The following STEAP1B variants were observed in gnomAD, a reference collection of about 807,000 sequenced individuals.
The protein encoded by STEAP1B is STEAP family member 1B.
Under a neutral mutation model 27.9 loss-of-function variants are expected in STEAP1B, and 13 were observed. The ratio of observed to expected loss-of-function variants is 0.47; its 90% CI spans 0.30 to 0.74. The LOEUF is 0.74. STEAP1B is among the 30% of genes least tolerant of loss of function. The probability of loss-of-function intolerance (pLI) is 0.06; values close to 1 mark genes in which losing one functional copy is unlikely to be tolerated. For synonymous variants in STEAP1B, 86 were observed against 107.1 expected (o/e 0.80, Z 1.22); for missense variants, 250 against 298.7 (o/e 0.84, Z 1.20).
At chr7:22,480,117 C>T (rs1041392237) in intron 4 of STEAP1B, among the ~76,000 whole-genome samples, 1 of 152,118 alleles carries the variant, frequency 6.6e-6, no homozygotes, top group Non-Finnish European at 1.5e-5. Flanking sequence ...ATTGAATGGA[C>T]ATCTAGAAAA....
At chr7:22,485,982 T>C (rs922572785) in intron 4 of STEAP1B, among the ~76,000 whole-genome samples, 2 of 152,164 alleles carry the variant, frequency 1.3e-5, no homozygotes, top group African/African-American at 2.4e-5. Context: ...CGTACACAGC[T>C]ATTAGTATAC....
intron 4 of STEAP1B, among the ~76,000 whole-genome samples, chr7:22,459,984 A>G (rs1359473193): frequency 1.3e-5 from 2 of 152,076 alleles, no homozygotes; most frequent in Non-Finnish European, 2.9e-5. Flanking sequence ...TTTAGGTCCA[A>G]TCATTAAATG....
chr7:22,438,528 A>C, intron 4 of STEAP1B: 2 of 1,551,506 alleles, frequency 1.3e-6, no homozygotes, highest in Non-Finnish European at 1.7e-6. Flanking sequence ...TGTCTTTTTT[A>C]TTGAGATTTT....
At chr7:22,449,410 G>A (rs1785452970) in intron 4 of STEAP1B, among the ~76,000 whole-genome samples, 1 of 152,272 alleles carries the variant, frequency 6.6e-6, no homozygotes, top group East Asian at 1.9e-4. Flanking sequence ...ATCTTTCTGT[G>A]ACTGGCTTAT....
chr7:22,435,310 G>C (rs1785240005), intron 4 of STEAP1B, among the ~76,000 whole-genome samples: 1 of 151,918 alleles, frequency 6.6e-6, no homozygotes, highest in African/African-American at 2.4e-5. Flanking sequence ...GTAACCATAA[G>C]GCAAGGTCAA....
chr7:22,439,417 T>C (rs1385088649), intron 4 of STEAP1B, among the ~76,000 whole-genome samples: 1 of 152,174 alleles, frequency 6.6e-6, no homozygotes, highest in African/African-American at 2.4e-5. Context: ...GATTATCAGC[T>C]AGTTCCAATG....
intron 4 of STEAP1B, among the ~76,000 whole-genome samples, chr7:22,485,958 A>C (rs1240829790): frequency 6.6e-6 from 1 of 152,208 alleles, no homozygotes; most frequent in African/African-American, 2.4e-5. Context: ...AAGAGGCCTG[A>C]ATGAGATAAT....
chr7:22,445,816 C>A (rs564197862), intron 4 of STEAP1B, among the ~76,000 whole-genome samples: 2 of 152,178 alleles, frequency 1.3e-5, no homozygotes, highest in African/African-American at 4.8e-5. Flanking sequence ...GCAGGAGAGG[C>A]GAAGAGGAAG....
chr7:22,476,782 T>A (rs1235318813), intron 4 of STEAP1B, among the ~76,000 whole-genome samples: 1 of 152,172 alleles, frequency 6.6e-6, no homozygotes, highest in African/African-American at 2.4e-5. Flanking sequence ...AATTGGGCCC[T>A]CTTCTCAGGT....
chr7:22,464,709 G>A (rs112553557), intron 4 of STEAP1B, among the ~76,000 whole-genome samples: 7 of 151,784 alleles, frequency 4.6e-5, no homozygotes, highest in African/African-American at 1.4e-4. Flanking sequence ...GAAGAACACA[G>A]GGAAGGGAGC....
At chr7:22,478,817 C>T (rs1407609447) in intron 4 of STEAP1B, among the ~76,000 whole-genome samples, 1 of 152,142 alleles carries the variant, frequency 6.6e-6, no homozygotes, top group Non-Finnish European at 1.5e-5. Flanking sequence ...AAATGCTTCT[C>T]TTTGCAGGAG....
At chr7:22,472,350 C>A (rs1284161140) in intron 4 of STEAP1B, among the ~76,000 whole-genome samples, 4 of 152,180 alleles carry the variant, frequency 2.6e-5, no homozygotes, top group African/African-American at 9.7e-5. Context: ...CAGAGCCCCA[C>A]AGAAGGGTGA....
chr7:22,479,679 C>CAT (rs1786034072), intron 4 of STEAP1B, among the ~76,000 whole-genome samples: 2 of 92,116 alleles, frequency 2.2e-5, no homozygotes, highest in African/African-American at 9.4e-5. Context: ...TCATGTGTGG[C>CAT]TTTTTTTTTT....
intron 4 of STEAP1B, among the ~76,000 whole-genome samples, chr7:22,490,551 C>T (rs188126747): frequency 4.6e-4 from 70 of 152,314 alleles, no homozygotes; most frequent in African/African-American, 1.5e-3. Flanking sequence ...TCTCTTGGAA[C>T]ATGCATACTA....
chr7:22,480,570 G>C (rs932559292), intron 4 of STEAP1B, among the ~76,000 whole-genome samples: 1 of 152,192 alleles, frequency 6.6e-6, no homozygotes, highest in Non-Finnish European at 1.5e-5. Context: ...TAAGGATGCA[G>C]GTAATGAAAG....
In STEAP1B at chr7:22,477,140, G is replaced by T. The variant is rs182566928; in HGVS notation, c.762+15425C>A. ...CGCATAGCCTTTGCCATCTTCCACT[G>T]GTGAGACGCAAGTCATGGGTTCCAC... On this transcript the variant is annotated intron_variant, in intron 4 of 4. Transcript: ENST00000678116. Among the ~76,000 whole-genome samples the T allele has an allele frequency of 2.6e-4, 39 of 152,326 alleles. No homozygotes were observed. In the East Asian group the frequency reaches 6.6e-3, roughly 26 times the overall value.
At chr7:22,423,297 C>T (rs76766191) in intron 4 of STEAP1B, among the ~76,000 whole-genome samples, 5,103 of 152,204 alleles carry the variant, frequency 0.034, 292 homozygotes, top group African/African-American at 0.12. Flanking sequence ...AAATATATGT[C>T]CACTCAAAAT....
intron 4 of STEAP1B, among the ~76,000 whole-genome samples, chr7:22,439,702 T>G (rs1308041232): frequency 6.6e-6 from 1 of 152,150 alleles, no homozygotes. Flanking sequence ...ACATAATTCA[T>G]AAATGTGTCC....
intron 4 of STEAP1B, among the ~76,000 whole-genome samples, chr7:22,475,248 C>T (rs750574857): frequency 7.2e-5 from 11 of 152,224 alleles, no homozygotes; most frequent in Non-Finnish European, 1.5e-5. Flanking sequence ...ACACTAGCAG[C>T]TCCTGCCTTT....
Sources: allele counts gnomAD v4.1 joint callset (sites outside exome capture counted in the v4.1 genomes callset), GRCh38; gene constraint gnomAD v4.1.1; transcripts MANE v1.5; gene names NCBI Gene and HGNC (gene_info 2026-07-23, HGNC 2026-07-21).